Variants in ASIC4 observed in about 807,000 individuals in gnomAD.
The protein encoded by ASIC4 is acid sensing ion channel subunit family member 4.
ASIC4 carries 28 observed loss-of-function variants against 53.4 expected under a neutral mutation model. That is an observed-to-expected ratio of 0.52 (90% CI 0.39 to 0.72). The LOEUF (loss-of-function observed/expected upper bound fraction) is 0.72, where lower values mean the gene tolerates loss of function less well. Ranked by LOEUF, ASIC4 falls within the 30% of genes least tolerant of loss-of-function variation. The probability of loss-of-function intolerance (pLI) is 0.00; values close to 1 mark genes in which losing one functional copy is unlikely to be tolerated. For synonymous variants in ASIC4, 289 were observed against 301.4 expected, an observed-to-expected ratio of 0.96 and a Z score of 0.43; for missense variants, 649 against 729.7, an observed-to-expected ratio of 0.89 and a Z score of 1.27.
chr2:219,534,747 C>T (rs545887837), intron 5 of ASIC4, among the ~76,000 whole-genome samples: 45 of 151,906 alleles, frequency 3.0e-4, no homozygotes, highest in Admixed American at 4.6e-4. Flanking sequence ...TTCGCCCATC[C>T]GTCGATCTGG....
chr2:219,536,952 C>T lies in ASIC4; in HGVS notation c.1230-114C>T. The T allele has an allele frequency of 2.2e-6, 2 of 891,054 alleles. No individual in the cohort carries two copies. Among genetic ancestry groups the T allele is most frequent in the East Asian group, 5.0e-5 (2 of 40,170 alleles). 55.2% of individuals were successfully genotyped at this position (891,054 alleles called of 1,614,324 possible). A position where few individuals can be genotyped will look rare whatever the true frequency, so the allele number is the denominator to read the frequency against. ...AGCCTTGGGGAGTCCGGGGGGTAGT[C>T]ACTGACTTCCCCATGTAGTGATCTC... On this transcript the variant is annotated intron_variant, in intron 6 of 9. Coordinates refer to ENST00000358078, the MANE Select transcript of ASIC4 (RefSeq NM_018674.6). The surrounding 1 kb of genome is among the most constrained non-coding windows in gnomAD (Gnocchi z 4.6).
Position 219,537,306 on chromosome 2 carries a change from C to T in ASIC4, c.1386C>T (p.Leu462=), listed in dbSNP as rs372740283. 33 of 1,613,086 alleles carry T rather than the reference C, an allele frequency of 2.0e-5. No individual in the cohort carries two copies. In the Middle Eastern group the frequency reaches 5.0e-4, roughly 24 times the overall value. The part of the protein sequence containing the change: ...GASILTLLEI[L]DYIYEVSWDR... ...GCATCCTCACGTTGCTGGAGATCCT[C>T]GACTACATCTATGAGGCAAGGGCCC... Residue 462 remains leucine (L), a synonymous_variant, in exon 8 of 10, where the codon CTC becomes CTT. Coordinates refer to ENST00000358078, the MANE Select transcript of ASIC4 (RefSeq NM_018674.6). The surrounding 1 kb of genome is among the most constrained non-coding windows in gnomAD (Gnocchi z 4.9).
intron 5 of ASIC4, chr2:219,533,441 G>A: frequency 5.8e-6 from 1 of 172,752 alleles, no homozygotes; most frequent in South Asian, 1.6e-4. Flanking sequence ...TGCCCTTGGA[G>A]AGCTTACACC....
In ASIC4 at chr2:219,537,266, T is replaced by C; in HGVS notation, c.1346T>C (p.Leu449Pro). 1 of 1,613,828 alleles carries C rather than the reference T, an allele frequency of 6.2e-7. No homozygotes were observed. The highest frequency in any genetic ancestry group is 8.5e-7 in the Non-Finnish European group (1 of 1,179,918). Residue 449 changes from leucine (L) to proline (P), a missense_variant, in exon 8 of 10, where the codon CTG (leucine) becomes CCG (proline). Coordinates refer to ENST00000358078, the MANE Select transcript of ASIC4 (RefSeq NM_018674.6). This position sits in a 1 kb window ranked among gnomAD's most constrained non-coding sequence, Gnocchi z 4.9. The part of the protein sequence containing the change: ...LLGDLGGQMG[L>P]FIGASILTLL... ...GGAGACCTCGGGGGACAGATGGGCC[T>C]GTTCATTGGGGCCAGCATCCTCACG...
At chr2:219,532,192 T>C in intron 3 of ASIC4, 64 bp downstream of exon 3, 1 of 1,607,500 alleles carries the variant, frequency 6.2e-7, no homozygotes, top group East Asian at 2.2e-5. Context: ...AGAGGGGATG[T>C]GGAGCAAACC....
chr2:219,522,739 G>T (rs1202595265), intron 1 of ASIC4, among the ~76,000 whole-genome samples: 1 of 151,836 alleles, frequency 6.6e-6, no homozygotes, highest in Non-Finnish European at 1.5e-5. Flanking sequence ...CCCCCTCCCC[G>T]GCCGCCGCGG....
chr2:219,538,340 C>T lies in ASIC4; in HGVS notation c.*294C>T, dbSNP rs962635253. The T allele has an allele frequency of 5.8e-5, 11 of 188,090 alleles. No individual in the cohort carries two copies. The highest frequency in any genetic ancestry group is 9.0e-5 in the African/African-American group (3 of 33,392). The allele number at this position is 188,090 out of a possible 1,614,324, so 11.7% of individuals were successfully genotyped here. On this transcript the variant is annotated 3_prime_UTR_variant, in exon 10 of 10. Coordinates refer to ENST00000358078, the MANE Select transcript of ASIC4 (RefSeq NM_018674.6). The stretch of plus-strand genomic sequence containing the variant: ...GGGGGAGGATAGAGCCCATCCCAGC[C>T]GGGGAGGGGGAGCCCTCTGTACATT...
At position 219,514,501 on chromosome 2, in the gene ASIC4, A is replaced by AGCAGAGGCAGCAGCG. The variant is rs1559452343; in HGVS notation, c.-211_-197dup. 5 of 1,549,236 alleles carry AGCAGAGGCAGCAGCG rather than the reference A, an allele frequency of 3.2e-6. No individual in the cohort carries two copies. Among genetic ancestry groups the AGCAGAGGCAGCAGCG allele is most frequent in the Non-Finnish European group, 4.4e-6 (5 of 1,145,790 alleles). On this transcript the variant is annotated 5_prime_UTR_variant, in exon 1 of 10. Transcript: ENST00000358078. The stretch of plus-strand genomic sequence containing the variant: ...ACGATCGAGGAGAGAGACAAGCGGC[A>AGCAGAGGCAGCAGCG]GCAGAGGCAGCAGCGGCAGAGGCAG...
intron 1 of ASIC4, among the ~76,000 whole-genome samples, chr2:219,525,494 A>G (rs905837349): frequency 6.6e-6 from 1 of 152,182 alleles, no homozygotes; most frequent in African/African-American, 2.4e-5. Context: ...CCACTTCTGA[A>G]TCTGCACCTG....
intron 1 of ASIC4, among the ~76,000 whole-genome samples, chr2:219,524,863 G>C (rs902744696): frequency 1.3e-5 from 2 of 152,204 alleles, no homozygotes; most frequent in Non-Finnish European, 2.9e-5. Context: ...GCCCAGTGGG[G>C]ATCCAAGATC....
chr2:219,538,297 GGGAA>G lies in ASIC4; in HGVS notation c.*259_*262del, dbSNP rs754204810. 1.8e-5 allele frequency: 9 copies of G among 505,840 alleles called. No homozygotes were observed. Among genetic ancestry groups the G allele is most frequent in the African/African-American group, 9.9e-5 (5 of 50,314 alleles). The allele number at this position is 505,840 out of a possible 1,614,324, so 31.3% of individuals were successfully genotyped here. ...GGCCATGGGCCCTCACGGAGAGGAAGGGAAGGAAGGAGAGGGAGGGGGAGGATAG... is the reference window on the plus strand; with the variant it reads ...GGCCATGGGCCCTCACGGAGAGGAAGGGAAGGAGAGGGAGGGGGAGGATAG... On this transcript the variant is annotated 3_prime_UTR_variant, in exon 10 of 10. Transcript: ENST00000358078.
chr2:219,525,775 G>A (rs1012154554), intron 1 of ASIC4, among the ~76,000 whole-genome samples: 3 of 152,214 alleles, frequency 2.0e-5, no homozygotes, highest in Non-Finnish European at 2.9e-5. Flanking sequence ...AGATGAAGAT[G>A]CACCCCATTC....
chr2:219,509,484 C>G (rs974551557), upstream of ASIC4, among the ~76,000 whole-genome samples: 2 of 152,158 alleles, frequency 1.3e-5, no homozygotes, highest in Non-Finnish European at 2.9e-5. This position sits in a 1 kb window ranked among gnomAD's most constrained non-coding sequence, Gnocchi z 5.2. Flanking sequence ...GGCAAACATG[C>G]AATTACCCGG....
At position 219,532,448 on chromosome 2, in the gene ASIC4, G is replaced by T. The variant is rs1381621436; in HGVS notation, c.989G>T (p.Arg330Leu). The change falls in exon 4 of 10, where the codon CGC becomes CTC. Residue 330 changes from arginine (R) to leucine (L), a missense_variant. Coordinates refer to ENST00000358078, the MANE Select transcript of ASIC4 (RefSeq NM_018674.6). ...LRCEKEAVLQ[R>L]CHCRMVHMPG... ...TGTGAAAAGGAGGCCGTGCTTCAGC[G>T]CTGCCACTGCCGGATGGTGCACATG... 1 of 1,613,432 alleles carries T rather than the reference G, an allele frequency of 6.2e-7. No individual in the cohort carries two copies. The highest frequency in any genetic ancestry group is 1.7e-5 in the Admixed American group (1 of 60,010).
chr2:219,525,051 A>G (rs1559117102), intron 1 of ASIC4, among the ~76,000 whole-genome samples: 1 of 152,336 alleles, frequency 6.6e-6, no homozygotes, highest in East Asian at 1.9e-4. Flanking sequence ...GTTTAATCAC[A>G]CATCTGAGGT....
upstream of ASIC4, among the ~76,000 whole-genome samples, chr2:219,510,986 C>A (rs1694694097): frequency 6.6e-6 from 1 of 152,118 alleles, no homozygotes; most frequent in East Asian, 1.9e-4. The surrounding 1 kb of genome is among the most constrained non-coding windows in gnomAD (Gnocchi z 5.2). Flanking sequence ...CCAGCCAGGC[C>A]TGGACCAGCC....
Position 219,514,829 on chromosome 2 carries a change from T to C in ASIC4, c.105T>C (p.Pro35=). Residue 35 remains proline, a synonymous_variant, in exon 1 of 10, where the codon CCT becomes CCC. Transcript: ENST00000358078. ...DEQSLLGAVA[P]GAAPRDLATF... ...AGAGCCTCCTCGGGGCTGTTGCCCC[T>C]GGAGCAGCCCCCCGAGACCTGGCCA... The C allele has an allele frequency of 6.2e-7, 1 of 1,613,148 alleles. No homozygotes were observed. The highest frequency in any genetic ancestry group is 8.5e-7 in the Non-Finnish European group (1 of 1,179,922).
chr2:219,531,682 C>G (rs1308146060), intron 1 of ASIC4, 76 bp from the exon 2 acceptor site: 2 of 1,494,524 alleles, frequency 1.3e-6, no homozygotes, highest in African/African-American at 2.8e-5. Flanking sequence ...TGGCCCTCAG[C>G]AGGGAGCAGG....
chr2:219,515,327 T>C (rs1462894551), intron 1 of ASIC4, 21 bp downstream of exon 1: 1 of 1,593,320 alleles, frequency 6.3e-7, no homozygotes, highest in Non-Finnish European at 8.6e-7. Flanking sequence ...CCAGCTGGGC[T>C]GCCTGGCCTT....
Sources: gnomAD v4.1 joint callset for allele counts (sites outside exome capture counted in the v4.1 genomes callset) on GRCh38, gnomAD v4.1.1 for gene constraint, Gnocchi (gnomAD v3.1) non-coding constraint, MANE v1.5 for transcripts, NCBI Gene and HGNC (gene_info 2026-07-23, HGNC 2026-07-21) for gene names.